Variants in ALDH16A1 observed in about 807,000 individuals in gnomAD.
The protein encoded by ALDH16A1 is aldehyde dehydrogenase 16 family member A1, also known as aldehyde dehydrogenase family 16 member A1.
Under a neutral mutation model 96.1 loss-of-function variants are expected in ALDH16A1, and 88 were observed. That is an observed-to-expected ratio of 0.92 (90% CI 0.77 to 1.09). The LOEUF is 1.09. Among genes scored for constraint, ALDH16A1 ranks in the 50% least tolerant of loss-of-function variants. ALDH16A1 has a pLI of 0.00. For synonymous variants in ALDH16A1, 522 were observed against 496.4 expected (o/e 1.05, Z -0.69); for missense variants, 1,250 against 1,112.6 (o/e 1.12, Z -1.76).
Position 49,464,634 on chromosome 19 carries a change from G to A in ALDH16A1, c.1440G>A (p.Gly480=). The change falls in exon 12 of 17, where the codon GGG becomes GGA. Residue 480 remains glycine, a splice_region_variant and synonymous_variant. Coordinates refer to ENST00000293350, the MANE Select transcript of ALDH16A1 (RefSeq NM_153329.4). ...TCTTGACACCGTCCCTCTCACAGGG[G>A]CTGTATGAGTATCTGCGGCCCTCAG... ...SGCSWHGGPD[G]LYEYLRPSGT... is the part of the protein sequence containing the mutation. 1 of 1,614,128 alleles carries A rather than the reference G, an allele frequency of 6.2e-7. No individual in the cohort carries two copies. Among genetic ancestry groups the A allele is most frequent in the Admixed American group, 1.7e-5 (1 of 60,016 alleles).
rs563044899 is a variant in ALDH16A1, at chr19:49,462,717, C to G, written c.1060C>G (p.Gln354Glu). ...GGGGGCTGCCGCATGTGACCTGGTC[C>G]AGCGCTTTGTGCGTGAGGCCCAGAG... ...ARGAAACDLV[Q>E]RFVREAQSQG... Residue 354 changes from glutamine to glutamate, a missense_variant, in exon 8 of 17, where the codon CAG becomes GAG. Physicochemically the swap from Gln to Glu is conservative, Grantham distance 29. Transcript: ENST00000293350. 2.5e-6 allele frequency: 4 copies of G among 1,603,668 alleles called. No homozygotes were observed. In the African/African-American group the frequency reaches 4.0e-5, roughly 16 times the overall value.
Position 49,468,393 on chromosome 19 carries a change from A to C in ALDH16A1, c.1951A>C (p.Arg651=). The C allele has an allele frequency of 6.3e-7, 1 of 1,599,126 alleles. No individual in the cohort carries two copies. The change falls in exon 15 of 17, where the codon AGA becomes CGA. Residue 651 remains arginine, a synonymous_variant. Coordinates refer to ENST00000293350, the MANE Select transcript of ALDH16A1 (RefSeq NM_153329.4). The surrounding 1 kb of genome is among the most constrained non-coding windows in gnomAD (Gnocchi z 4.4). ...CCTGTCCCTGCAGGTAGCCGGGCTG[A>C]GAGGCCCTGTGCTGCGCCTGCGGGA... is the stretch of plus-strand genomic sequence containing the variant. ...QGHTLQVAGL[R]GPVLRLREPL... is the part of the protein sequence containing the mutation.
chr19:49,466,678 G>A (rs1282987390), intron 14 of ALDH16A1, among the ~76,000 whole-genome samples: 1 of 151,990 alleles, frequency 6.6e-6, no homozygotes, highest in Admixed American at 6.6e-5. Flanking sequence ...GGGCAACACG[G>A]TGAAACCTGG....
At chr19:49,456,944 C>G in intron 1 of ALDH16A1, among the ~76,000 whole-genome samples, 1 of 151,822 alleles carries the variant, frequency 6.6e-6, no homozygotes, top group Non-Finnish European at 1.5e-5. Flanking sequence ...CCCATCTCTA[C>G]TAGAAATATA....
intron 4 of ALDH16A1, among the ~76,000 whole-genome samples, chr19:49,460,571 C>CGG (rs766991040): frequency 2.6e-5 from 4 of 152,020 alleles, no homozygotes; most frequent in African/African-American, 4.8e-5. Context: ...TGCACCACCA[C>CGG]GCCTGGCTAA....
At chr19:49,460,720 T>A in intron 4 of ALDH16A1, 102 bp from the exon 5 acceptor site, 1 of 979,498 alleles carries the variant, frequency 1.0e-6, no homozygotes, top group Non-Finnish European at 1.5e-6. Flanking sequence ...GGCCATTTTT[T>A]TTTTTTTTTC....
At chr19:49,453,896 G>A (rs2079088583) in intron 1 of ALDH16A1, among the ~76,000 whole-genome samples, 1 of 151,930 alleles carries the variant, frequency 6.6e-6, no homozygotes, top group Admixed American at 6.6e-5. Context: ...ATTACCCAGA[G>A]ACCTTCAGAA....
Position 49,459,545 on chromosome 19 carries a change from C to T in ALDH16A1, c.321-125C>T. 2.7e-6 allele frequency: 3 copies of T among 1,097,850 alleles called. No individual in the cohort carries two copies. Among genetic ancestry groups the T allele is most frequent in the Non-Finnish European group, 3.8e-6 (3 of 789,896 alleles). The allele number at this position is 1,097,850 out of a possible 1,614,324, so 68.0% of individuals were successfully genotyped here. On this transcript the variant is annotated intron_variant, in intron 3 of 16. Transcript: ENST00000293350. The surrounding 1 kb of genome is among the most constrained non-coding windows in gnomAD (Gnocchi z 4.1). ...TCATAAATCTTCACTGCCCTCTGCC[C>T]CAGGTAAATGGTGGGGATGCCTCAG...
intron 4 of ALDH16A1, among the ~76,000 whole-genome samples, chr19:49,460,288 G>A (rs2079130904): frequency 6.6e-6 from 1 of 151,858 alleles, no homozygotes; most frequent in Admixed American, 6.6e-5. Flanking sequence ...CACCCTGGCT[G>A]GAGTACAGTG....
At position 49,462,003 on chromosome 19, in the gene ALDH16A1, T is replaced by C. The variant is rs1019047881; in HGVS notation, c.879T>C (p.Gly293=). 6.5e-7 allele frequency: 1 copy of C among 1,544,122 alleles called. No homozygotes were observed. Among genetic ancestry groups the C allele is most frequent in the Non-Finnish European group, 8.7e-7 (1 of 1,148,804 alleles). ...CGGACGTAGACTCGGCCGTGGAGGGTGTCGTGGACGCCGCCTGGTCCGACC... is the reference window on the plus strand; with the variant it reads ...CGGACGTAGACTCGGCCGTGGAGGGCGTCGTGGACGCCGCCTGGTCCGACC... ...DTADVDSAVE[G]VVDAAWSDRG... Residue 293 remains glycine, a synonymous_variant, in exon 7 of 17, where the codon GGT becomes GGC. Coordinates refer to ENST00000293350, the MANE Select transcript of ALDH16A1 (RefSeq NM_153329.4).
rs1379866144 is a variant in ALDH16A1 at position 49,463,888 on chromosome 19, CA to C, written c.1134del (p.Phe379SerfsTer123). 6.2e-7 allele frequency: 1 copy of C among 1,613,452 alleles called. No individual in the cohort carries two copies. Among genetic ancestry groups the C allele is most frequent in the Admixed American group, 1.7e-5 (1 of 59,886 alleles). ...FQAGDVPSERPFYPPTLVSNL... is the reference protein window; with the variant it reads ...FQAGDVPSERXFYPPTLVSNL... ...GCTGGTGATGTGCCTTCGGAACGCC[CA>C]TTCTATCCCCCAACCTTGGTCTCCA... On this transcript the variant is annotated frameshift_variant, in exon 9 of 17. Coordinates refer to ENST00000293350, the MANE Select transcript of ALDH16A1 (RefSeq NM_153329.4). LOFTEE classifies it high-confidence loss of function.
At chr19:49,460,742 A>G in intron 4 of ALDH16A1, 80 bp from the exon 5 acceptor site, 11 of 966,330 alleles carry the variant, frequency 1.1e-5, no homozygotes, top group South Asian at 2.6e-5. Context: ...TAATGTAGCC[A>G]TGGGGTCTTG....
At position 49,453,438 on chromosome 19, in the gene ALDH16A1, C is replaced by A. The variant is rs747289666; in HGVS notation, c.90+17C>A. 2 of 1,515,600 alleles carry A rather than the reference C, an allele frequency of 1.3e-6. No homozygotes were observed. Among genetic ancestry groups the A allele is most frequent in the Non-Finnish European group, 8.9e-7 (1 of 1,126,486 alleles). The allele number at this position is 1,515,600 out of a possible 1,614,324, so 93.9% of individuals were successfully genotyped here. ...TGCGCACTGGTGAGAGTCTGCCCGG[C>A]CGGCGCTGCTCGCTGCGTTCCCCAG... On this transcript the variant is annotated intron_variant, in intron 1 of 16. Transcript: ENST00000293350.
At position 49,463,972 on chromosome 19, in the gene ALDH16A1, G is replaced by A. The variant is rs781396431; in HGVS notation, c.1194+23G>A. On this transcript the variant is annotated intron_variant, in intron 9 of 16. Coordinates refer to ENST00000293350, the MANE Select transcript of ALDH16A1 (RefSeq NM_153329.4). Reference sequence around the variant, plus strand: ...GAGGTGAGACCCTTAAGGCTGCAGAGCTCCTACCCACCGCCAGCCAAGGGC... The same window carrying A: ...GAGGTGAGACCCTTAAGGCTGCAGAACTCCTACCCACCGCCAGCCAAGGGC... 5.6e-6 allele frequency: 9 copies of A among 1,595,694 alleles called. No homozygotes were observed. In the South Asian group the frequency reaches 9.0e-5, roughly 16 times the overall value.
At chr19:49,455,542 G>A (rs2079100647) in intron 1 of ALDH16A1, among the ~76,000 whole-genome samples, 1 of 150,846 alleles carries the variant, frequency 6.6e-6, no homozygotes, top group African/African-American at 2.5e-5. Context: ...GGGAGGTGCA[G>A]TGATCATACC....
intron 1 of ALDH16A1, among the ~76,000 whole-genome samples, chr19:49,454,207 G>A (rs999763886): frequency 6.6e-6 from 1 of 151,866 alleles, no homozygotes; most frequent in Non-Finnish European, 1.5e-5. Context: ...ACTTTTTCTA[G>A]AGACAAGGTT....
chr19:49,461,730 C>T lies in ALDH16A1; in HGVS notation c.689C>T (p.Pro230Leu), dbSNP rs747592566. ...FPGILNVLSG[P>L]ASLVPILASQ... The stretch of plus-strand genomic sequence containing the variant: ...GGAATCCTGAATGTCCTCAGTGGCC[C>T]TGCGTCCCTGGTGCCCATCCTGGCC... The change falls in exon 6 of 17, where the codon CCT (proline) becomes CTT (leucine). Residue 230 changes from proline (P) to leucine (L), a missense_variant. Coordinates refer to ENST00000293350, the MANE Select transcript of ALDH16A1 (RefSeq NM_153329.4). 3.1e-6 allele frequency: 5 copies of T among 1,609,956 alleles called. No homozygotes were observed. The African/African-American group carries it at 5.3e-5, about 17-fold the overall frequency.
intron 14 of ALDH16A1, among the ~76,000 whole-genome samples, chr19:49,467,918 G>A (rs2079212313): frequency 6.6e-6 from 1 of 150,868 alleles, no homozygotes; most frequent in Non-Finnish European, 1.5e-5. Context: ...ACTTTGCGAG[G>A]CCAAGGTGGG....
chr19:49,464,445 G>A lies in ALDH16A1; in HGVS notation c.1360G>A (p.Ala454Thr), dbSNP rs139981295. 9.0e-5 allele frequency: 145 copies of A among 1,608,486 alleles called. No individual in the cohort carries two copies. The highest frequency in any genetic ancestry group is 1.6e-4 in the Middle Eastern group (1 of 6,078). Residue 454 changes from alanine to threonine, a missense_variant, in exon 11 of 17, where the codon GCC becomes ACC. Transcript: ENST00000293350. ...GLQVGTVWIN[A>T]HGLRDPSVPT... Reference sequence around the variant, plus strand: ...CCAGGTGGGCACTGTCTGGATCAACGCCCACGGCCTCAGAGACCCTTCGGT... The same window carrying A: ...CCAGGTGGGCACTGTCTGGATCAACACCCACGGCCTCAGAGACCCTTCGGT...
Sources: gnomAD v4.1 joint callset for allele counts (sites outside exome capture counted in the v4.1 genomes callset) on GRCh38, gnomAD v4.1.1 for gene constraint, Gnocchi (gnomAD v3.1) non-coding constraint, MANE v1.5 for transcripts, NCBI Gene and HGNC (gene_info 2026-07-23, HGNC 2026-07-21) for gene names.